The following CDH12 variants were observed in gnomAD, a reference collection of about 807,000 sequenced individuals.
The protein encoded by CDH12 is cadherin 12, also known as cadherin-12.
CDH12 carries 41 observed loss-of-function variants against 74.1 expected under a neutral mutation model. The observed-to-expected ratio is 0.55, with a 90% CI of 0.43 to 0.72. CDH12 has a LOEUF of 0.72. Among genes scored for constraint, CDH12 ranks in the 30% least tolerant of loss-of-function variants. The pLI, the probability that CDH12 is intolerant of heterozygous loss-of-function variation, is 0.00. For synonymous variants in CDH12, 399 were observed against 355.0 expected (o/e 1.12, Z -1.39); for missense variants, 945 against 977.2 (o/e 0.97, Z 0.44).
chr5:21,911,325 T>C (rs1753849114), intron 6 of CDH12, among the ~76,000 whole-genome samples: 1 of 152,152 alleles, frequency 6.6e-6, no homozygotes, highest in African/African-American at 2.4e-5. Context: ...TCAGACTCAT[T>C]ACTTATTTTT....
intron 3 of CDH12, among the ~76,000 whole-genome samples, chr5:22,290,952 C>A (rs1253334759): frequency 6.6e-6 from 1 of 152,146 alleles, no homozygotes; most frequent in African/African-American, 2.4e-5. Flanking sequence ...ACCAGTTCTT[C>A]TCAATCTCTT....
chr5:21,918,604 G>A (rs200821115), intron 6 of CDH12, among the ~76,000 whole-genome samples: 2 of 151,958 alleles, frequency 1.3e-5, no homozygotes, highest in African/African-American at 4.8e-5. Flanking sequence ...GGAAATGGCC[G>A]AGGACTACAA....
At chr5:22,396,385 T>C (rs969842887) in intron 3 of CDH12, among the ~76,000 whole-genome samples, 4 of 152,088 alleles carry the variant, frequency 2.6e-5, no homozygotes, top group Non-Finnish European at 5.9e-5. Flanking sequence ...GCTAATGCTA[T>C]GACACTGGGT....
At chr5:21,816,646 A>AAAAAAAAAAAAAAAAAAAAAAAAAAAAAT (rs1318470300) in intron 9 of CDH12, among the ~76,000 whole-genome samples, 1 of 144,410 alleles carries the variant, frequency 6.9e-6, no homozygotes, top group Non-Finnish European at 1.5e-5. Flanking sequence ...AAAAAAAAAA[A>AAAAAAAAAAAAAAAAAAAAAAAAAAAAAT]AAAAAAAGAA....
chr5:21,798,021 C>A (rs1746887705), intron 10 of CDH12, among the ~76,000 whole-genome samples: 1 of 151,782 alleles, frequency 6.6e-6, no homozygotes, highest in Non-Finnish European at 1.5e-5. Flanking sequence ...CTTCATTTAC[C>A]TTTTAATTAT....
chr5:22,598,795 T>C (rs971444413), intron 1 of CDH12, among the ~76,000 whole-genome samples: 1 of 152,174 alleles, frequency 6.6e-6, no homozygotes, highest in Non-Finnish European at 1.5e-5. Flanking sequence ...ACTATACACA[T>C]ATGCACACAG....
chr5:22,447,985 T>A (rs1044149818), intron 2 of CDH12, among the ~76,000 whole-genome samples: 104 of 84,456 alleles, frequency 1.2e-3, no homozygotes, highest in Admixed American at 2.1e-3. Flanking sequence ...TACAAGAAAT[T>A]AAAAAAAAAA....
intron 4 of CDH12, among the ~76,000 whole-genome samples, chr5:22,107,752 C>T (rs376819451): frequency 5.3e-5 from 8 of 152,146 alleles, no homozygotes; most frequent in Middle Eastern, 3.4e-3. Context: ...TATTAGACAA[C>T]GTGAATACAC....
intron 2 of CDH12, among the ~76,000 whole-genome samples, chr5:22,470,825 T>C (rs1034861952): frequency 1.3e-5 from 2 of 150,354 alleles, no homozygotes; most frequent in Admixed American, 6.7e-5. Context: ...TTCTGAGCCC[T>C]TTTTTTTCCA....
chr5:22,703,856 C>A (rs1742846287), intron 1 of CDH12, among the ~76,000 whole-genome samples: 1 of 152,020 alleles, frequency 6.6e-6, no homozygotes, highest in African/African-American at 2.4e-5. Context: ...CCTTTCTTCA[C>A]AAAGAAAATA....
chr5:22,090,537 C>T lies in CDH12; in HGVS notation c.-186-11675G>A, dbSNP rs141741392. The stretch of plus-strand genomic sequence containing the variant: ...GGAACATACCCTGACTTATTCTATG[C>T]GACCTTTAACATTACAATACTGAAA... On this transcript the variant is annotated intron_variant, in intron 4 of 14. Transcript: ENST00000382254. Among the ~76,000 whole-genome samples the T allele has an allele frequency of 4.9e-3, 732 of 150,178 alleles. 17 individuals carry two copies. Among genetic ancestry groups the T allele is most frequent in the East Asian group, 0.014 (74 of 5,116 alleles).
chr5:22,755,626 C>A (rs182803277), intron 1 of CDH12, among the ~76,000 whole-genome samples: 9 of 151,930 alleles, frequency 5.9e-5, no homozygotes, highest in African/African-American at 2.2e-4. Flanking sequence ...TAGAAAAAAA[C>A]GATTTACTTA....
chr5:22,572,922 T>C (rs1739609909), intron 1 of CDH12, among the ~76,000 whole-genome samples: 1 of 152,184 alleles, frequency 6.6e-6, no homozygotes, highest in African/African-American at 2.4e-5. Flanking sequence ...CAGCAAGCAT[T>C]AATCTATTTT....
At chr5:22,421,424 G>A (rs182217480) in intron 2 of CDH12, among the ~76,000 whole-genome samples, 26 of 152,210 alleles carry the variant, frequency 1.7e-4, no homozygotes, top group Non-Finnish European at 3.2e-4. Context: ...ACCTATGAAT[G>A]AGAACATGCG....
chr5:21,800,667 T>A (rs928558385), intron 10 of CDH12, among the ~76,000 whole-genome samples: 2 of 152,168 alleles, frequency 1.3e-5, no homozygotes, highest in Non-Finnish European at 2.9e-5. Flanking sequence ...TCCAGTGATA[T>A]GGTTTGGCTC....
At chr5:22,655,562 A>G (rs1278051392) in intron 1 of CDH12, among the ~76,000 whole-genome samples, 1 of 152,194 alleles carries the variant, frequency 6.6e-6, no homozygotes, top group Non-Finnish European at 1.5e-5. Flanking sequence ...CTTTTCTTTG[A>G]AGAAGGACCT....
chr5:22,100,020 C>T (rs151176818), intron 4 of CDH12, among the ~76,000 whole-genome samples: 4 of 152,100 alleles, frequency 2.6e-5, no homozygotes, highest in Non-Finnish European at 4.4e-5. Flanking sequence ...TAATGCCGCT[C>T]GAAGCAGCCC....
rs2126489716 is a variant in CDH12 at position 22,418,403 on chromosome 5, T to C, written c.-427-13052A>G. 2.6e-5 allele frequency among the ~76,000 whole-genome samples: 4 copies of C among 152,292 alleles called. 2 individuals are homozygous for C. In the South Asian group the frequency reaches 8.3e-4, roughly 32 times the overall value. On this transcript the variant is annotated intron_variant, in intron 2 of 14. Transcript: ENST00000382254. ...CATGTCATCTGCAAACAGACACAAT[T>C]TGACTTCCTCTCTTCCTATTTGAAT...
At chr5:22,497,999 A>G (rs1747176199) in intron 2 of CDH12, among the ~76,000 whole-genome samples, 2 of 151,896 alleles carry the variant, frequency 1.3e-5, no homozygotes, top group Admixed American at 1.3e-4. Flanking sequence ...TTTCCATCAC[A>G]CTGGCCTTCT....
Sources: allele counts gnomAD v4.1 joint callset (sites outside exome capture counted in the v4.1 genomes callset), GRCh38; gene constraint gnomAD v4.1.1; transcripts MANE v1.5; gene names NCBI Gene and HGNC (gene_info 2026-07-23, HGNC 2026-07-21).